The following NAA15 variants were observed in gnomAD, a reference collection of about 807,000 sequenced individuals.
The protein encoded by NAA15 is N-alpha-acetyltransferase 15, NatA auxiliary subunit.
NAA15 carries 34 observed loss-of-function variants against 114.0 expected under a neutral mutation model. The ratio of observed to expected loss-of-function variants is 0.30; its 90% confidence interval spans 0.23 to 0.40. The LOEUF is 0.40. Ranked by LOEUF, NAA15 falls within the 10% of genes least tolerant of loss-of-function variation. NAA15 has a pLI of 1.00. For missense variants in NAA15, 658 were observed against 1,004.5 expected, an observed-to-expected ratio of 0.66 and a Z score of 4.66; for synonymous variants, 340 against 338.0, an observed-to-expected ratio of 1.01 and a Z score of -0.06.
At chr4:139,345,844 C>T (rs1747563227) in intron 6 of NAA15, among the ~76,000 whole-genome samples, 8 of 152,050 alleles carry the variant, frequency 5.3e-5, no homozygotes. Context: ...CGGCGTGAAC[C>T]TGGGAGGCGG....
At chr4:139,309,418 G>T (rs1262050587) in intron 1 of NAA15, among the ~76,000 whole-genome samples, 1 of 138,820 alleles carries the variant, frequency 7.2e-6, no homozygotes, top group East Asian at 2.2e-4. Flanking sequence ...TTCTTTGCTT[G>T]CTTTTTAAGT....
chr4:139,357,276 T>C (rs1747988050), intron 10 of NAA15, 110 bp from the exon 11 acceptor site: 1 of 878,852 alleles, frequency 1.1e-6, no homozygotes, highest in Admixed American at 2.6e-5. Context: ...GATACATAAA[T>C]AAACTCCTTT....
chr4:139,369,605 G>A (rs1360003567), intron 14 of NAA15, among the ~76,000 whole-genome samples: 1 of 151,906 alleles, frequency 6.6e-6, no homozygotes, highest in East Asian at 2.0e-4. Context: ...GGACGTGGTG[G>A]CACATGCCTG....
chr4:139,348,154 C>T (rs548115221), intron 6 of NAA15, among the ~76,000 whole-genome samples: 2 of 150,618 alleles, frequency 1.3e-5, no homozygotes, highest in South Asian at 2.1e-4. Flanking sequence ...GCATGTGAAG[C>T]GTTTAAAAGT....
At chr4:139,325,890 A>T (rs1019284145) in intron 1 of NAA15, among the ~76,000 whole-genome samples, 1 of 151,856 alleles carries the variant, frequency 6.6e-6, no homozygotes, top group Admixed American at 6.6e-5. Flanking sequence ...CTCCCAAAGT[A>T]TTGGGATTAC....
chr4:139,390,413 A>C lies in NAA15; in HGVS notation c.*2329A>C, dbSNP rs879017204. ...TACTATCTTGCTCTGAGTAGTATCA[A>C]CTGGATCGTCTCATATTTGCCTCAT... is the stretch of plus-strand genomic sequence containing the variant. On this transcript the variant is annotated 3_prime_UTR_variant, in exon 20 of 20. Transcript: ENST00000296543. The C allele has an allele frequency of 2.0e-5, 3 of 152,648 alleles. No homozygotes were observed. The highest frequency in any genetic ancestry group is 6.5e-5 in the Admixed American group (1 of 15,278). 9.5% of individuals were successfully genotyped at this position (152,648 alleles called of 1,614,324 possible). A position where few individuals can be genotyped will look rare whatever the true frequency, so the allele number is the denominator to read the frequency against.
At chr4:139,336,317 A>G (rs547349951) in intron 2 of NAA15, among the ~76,000 whole-genome samples, 13 of 152,254 alleles carry the variant, frequency 8.5e-5, no homozygotes, top group African/African-American at 2.6e-4. Context: ...TTGGTTGCCA[A>G]TGATAGATTT....
intron 1 of NAA15, among the ~76,000 whole-genome samples, chr4:139,315,064 AG>A (rs1185138140): frequency 3.7e-5 from 5 of 135,176 alleles, no homozygotes; most frequent in Admixed American, 1.5e-4. Flanking sequence ...AGTTTAGTTT[AG>A]TTTAGTTTAG....
At chr4:139,350,019 C>T (rs746819141) in intron 7 of NAA15, among the ~76,000 whole-genome samples, 51 of 152,088 alleles carry the variant, frequency 3.4e-4, no homozygotes, top group Middle Eastern at 6.8e-3. Flanking sequence ...AGTACATTTG[C>T]AAACTTCTAT....
chr4:139,344,146 TA>T, intron 5 of NAA15, 39 bp from the exon 6 acceptor site: 1 of 1,508,658 alleles, frequency 6.6e-7, no homozygotes. Context: ...GATATGAAAA[TA>T]AAATTCTTAC....
chr4:139,360,402 G>A (rs1393199767), intron 12 of NAA15, 98 bp from the exon 13 acceptor site: 3 of 1,137,704 alleles, frequency 2.6e-6, no homozygotes. Context: ...TTTTTTGAAA[G>A]AGTCCCAATC....
At chr4:139,366,467 A>G (rs1748287544) in intron 14 of NAA15, among the ~76,000 whole-genome samples, 1 of 152,180 alleles carries the variant, frequency 6.6e-6, no homozygotes, top group South Asian at 2.1e-4. Flanking sequence ...TACTTCCTTC[A>G]CATTCTAATT....
intron 1 of NAA15, among the ~76,000 whole-genome samples, chr4:139,309,289 A>G (rs1355343609): frequency 6.6e-6 from 1 of 151,532 alleles, no homozygotes; most frequent in Non-Finnish European, 1.5e-5. Context: ...TGGAGGTTGC[A>G]GTGAGCCGAG....
chr4:139,378,646 T>TAGATGTGA (rs1748656797), intron 16 of NAA15, 110 bp from the exon 17 acceptor site: 2 of 556,552 alleles, frequency 3.6e-6, no homozygotes, highest in Non-Finnish European at 6.1e-6. Context: ...ATGTTTGTGG[T>TAGATGTGA]TCTGATGTGA....
At chr4:139,317,884 G>C (rs1210437518) in intron 1 of NAA15, among the ~76,000 whole-genome samples, 1 of 152,114 alleles carries the variant, frequency 6.6e-6, no homozygotes. Flanking sequence ...TGTAATCCTT[G>C]TTTTGCAGAT....
In NAA15 at chr4:139,301,718, G is replaced by A; in HGVS notation, c.-60G>A. The A allele has an allele frequency of 1.3e-6, 2 of 1,524,070 alleles. No individual in the cohort carries two copies. The highest frequency in any genetic ancestry group is 1.8e-6 in the Non-Finnish European group (2 of 1,127,808). 94.4% of individuals were successfully genotyped at this position (1,524,070 alleles called of 1,614,324 possible). On this transcript the variant is annotated 5_prime_UTR_variant, in exon 1 of 20. Coordinates refer to ENST00000296543, the MANE Select transcript of NAA15 (RefSeq NM_057175.5). Reference sequence around the variant, plus strand: ...CAGCTACGGAACGGCAGCGGCGGCGGTCGGACAAACTGACTGACCGAGCCG... The same window carrying A: ...CAGCTACGGAACGGCAGCGGCGGCGATCGGACAAACTGACTGACCGAGCCG...
intron 11 of NAA15, among the ~76,000 whole-genome samples, chr4:139,359,419 G>A (rs1304378590): frequency 6.6e-6 from 1 of 152,104 alleles, no homozygotes; most frequent in Non-Finnish European, 1.5e-5. Context: ...GAGCTACAGC[G>A]CCCGGCCTTA....
chr4:139,351,325 A>G (rs766438983), intron 8 of NAA15, 39 bp downstream of exon 8: 3 of 1,414,078 alleles, frequency 2.1e-6, no homozygotes, highest in South Asian at 2.4e-5. Context: ...AAATGCTTTT[A>G]TGATTTAAAG....
chr4:139,355,566 T>A (rs1747923563), intron 10 of NAA15, among the ~76,000 whole-genome samples: 1 of 152,122 alleles, frequency 6.6e-6, no homozygotes, highest in South Asian at 2.1e-4. Context: ...AATTAAAATT[T>A]TAAAAAATTA....
Sources: gnomAD v4.1 joint callset for allele counts (sites outside exome capture counted in the v4.1 genomes callset) on GRCh38, gnomAD v4.1.1 for gene constraint, MANE v1.5 for transcripts, NCBI Gene and HGNC (gene_info 2026-07-23, HGNC 2026-07-21) for gene names.